The following NBPF11 variants were observed in gnomAD, a reference collection of about 807,000 sequenced individuals.
NBPF11 encodes NBPF family member NBPF11.
A neutral mutation model predicts 93.9 loss-of-function variants in NBPF11; 72 were observed. That is an observed-to-expected ratio of 0.77 (90% CI 0.63 to 0.93). The LOEUF (loss-of-function observed/expected upper bound fraction) is 0.93. Ranked by LOEUF, NBPF11 falls within the 40% of genes least tolerant of loss-of-function variation. NBPF11 has a pLI of 0.00. For synonymous variants in NBPF11, 224 were observed against 304.9 expected (o/e 0.73, Z 2.76); for missense variants, 705 against 802.2 (o/e 0.88, Z 1.46).
intron 21 of NBPF11, among the ~76,000 whole-genome samples, 180 bp from the exon 22 acceptor site, chr1:148,105,708 A>G (rs1410647581): frequency 1.3e-5 from 1 of 74,658 alleles, no homozygotes; most frequent in Non-Finnish European, 2.3e-5. Flanking sequence ...GAAAAGAATG[A>G]AAGAGAAAGA....
At chr1:148,146,893 G>A (rs1189156125) in intron 1 of NBPF11, 7 of 1,613,118 alleles carry the variant, frequency 4.3e-6, no homozygotes, top group African/African-American at 4.0e-5. Context: ...TGCCGACATC[G>A]ACGCCACCTG....
rs1485454976 is a variant in NBPF11, at chr1:148,121,509, A to T, written c.778+546T>A. On this transcript the variant is annotated intron_variant, in intron 9 of 23. Coordinates refer to ENST00000682118, the MANE Select transcript of NBPF11 (RefSeq NM_001385469.3). ...ACTACAGGCGCCCACCACCGCGCCC[A>T]GCTAATTTCTTTTTTTTTTGTATTT... Among the ~76,000 whole-genome samples the T allele has an allele frequency of 2.0e-5, 3 of 150,934 alleles. No homozygotes were observed. In the East Asian group the frequency reaches 5.8e-4, roughly 29 times the overall value.
chr1:148,151,606 C>A (rs1480618021), intron 1 of NBPF11, 144 bp downstream of exon 1: 1 of 152,182 alleles, frequency 6.6e-6, no homozygotes, highest in Non-Finnish European at 1.5e-5. Flanking sequence ...CCCGGCGGAG[C>A]CCTGCGGAGC....
intron 2 of NBPF11, among the ~76,000 whole-genome samples, chr1:148,140,635 C>G (rs1284723766): frequency 6.7e-6 from 1 of 150,254 alleles, no homozygotes; most frequent in Non-Finnish European, 1.5e-5. Flanking sequence ...ATACAGATGG[C>G]AAATAAGCAT....
At chr1:148,107,461 C>T (rs1663989366) in intron 19 of NBPF11, among the ~76,000 whole-genome samples, 1 of 151,678 alleles carries the variant, frequency 6.6e-6, no homozygotes, top group Admixed American at 6.6e-5. Context: ...TTTCCATAAA[C>T]TTGCTCAAGA....
At chr1:148,138,315 C>T (rs1480694568) in intron 2 of NBPF11, among the ~76,000 whole-genome samples, 42 of 151,290 alleles carry the variant, frequency 2.8e-4, no homozygotes, top group Admixed American at 2.8e-3. Context: ...GAGACAGATG[C>T]CTTCCTCTTA....
intron 1 of NBPF11, chr1:148,149,155 C>T (rs1647561246): frequency 8.2e-6 from 13 of 1,587,910 alleles, no homozygotes; most frequent in Non-Finnish European, 5.1e-6. Flanking sequence ...GCTCCGGCGC[C>T]GCCAGGTACG....
chr1:148,150,353 C>G (rs1647975949), intron 1 of NBPF11, among the ~76,000 whole-genome samples: 4 of 150,478 alleles, frequency 2.7e-5, no homozygotes, highest in Admixed American at 6.6e-5. Context: ...ATCCGCCCAC[C>G]TTGGCCTCCC....
chr1:148,138,264 G>C (rs1298117197), intron 2 of NBPF11, among the ~76,000 whole-genome samples: 3 of 150,376 alleles, frequency 2.0e-5, no homozygotes, highest in Admixed American at 1.3e-4. Context: ...ATATACAATC[G>C]GGCTTTACAC....
At chr1:148,122,962 G>C (rs373705107) in intron 7 of NBPF11, among the ~76,000 whole-genome samples, 161 bp from the exon 8 acceptor site, 37 of 137,036 alleles carry the variant, frequency 2.7e-4, no homozygotes, top group Admixed American at 6.9e-4. Flanking sequence ...TGGTTTCCTG[G>C]TCCATCAGGC....
At chr1:148,131,249 G>A (rs1670288166) in intron 4 of NBPF11, among the ~76,000 whole-genome samples, 3 of 150,622 alleles carry the variant, frequency 2.0e-5, no homozygotes, top group African/African-American at 7.4e-5. Flanking sequence ...GTTTTTCCTG[G>A]GCCTTAAAGC....
intron 4 of NBPF11, among the ~76,000 whole-genome samples, chr1:148,134,255 G>T (rs1354716593): frequency 1.3e-5 from 2 of 151,542 alleles, no homozygotes; most frequent in Admixed American, 6.6e-5. Context: ...GAGAATTGGG[G>T]CTGTGGAAGA....
At chr1:148,121,086 G>A (rs1475093483) in intron 9 of NBPF11, among the ~76,000 whole-genome samples, 85 of 151,646 alleles carry the variant, frequency 5.6e-4, no homozygotes, top group Middle Eastern at 3.4e-3. Context: ...ACTCTGTCGC[G>A]CAGGCTGCAG....
At position 148,107,102 on chromosome 1, in the gene NBPF11, C is replaced by T. The variant is rs1663847798; in HGVS notation, c.2091G>A (p.Glu697=). The T allele has an allele frequency of 1.7e-6, 1 of 597,248 alleles. No individual in the cohort carries two copies. Among genetic ancestry groups the T allele is most frequent in the Admixed American group, 2.9e-5 (1 of 34,610 alleles). 37.0% of individuals were successfully genotyped at this position (597,248 alleles called of 1,614,324 possible). A position where few individuals can be genotyped will look rare whatever the true frequency, so the allele number is the denominator to read the frequency against. The part of the protein sequence containing the change: ...QDPSCPRLSR[E]LLAEKEPEVL... ...CTTCAGGCTCTTTCTCAGCCAGCAG[C>T]TCCCTGCTGAGCCTGGAAAAGTAGG... is the stretch of plus-strand genomic sequence containing the variant. Residue 697 remains glutamate (E), a synonymous_variant, in exon 20 of 24, where the codon GAG becomes GAA. Transcript: ENST00000682118.
chr1:148,142,939 C>A (rs1672434517), intron 2 of NBPF11, among the ~76,000 whole-genome samples: 1 of 152,290 alleles, frequency 6.6e-6, no homozygotes, highest in Non-Finnish European at 1.5e-5. Context: ...CTGGACACAT[C>A]TAGAGGGCAC....
At position 148,115,892 on chromosome 1, in the gene NBPF11, T is replaced by C; in HGVS notation, c.1486A>G (p.Arg496Gly). 5 of 1,581,858 alleles carry C rather than the reference T, an allele frequency of 3.2e-6. 1 individual carries two copies. Among genetic ancestry groups the C allele is most frequent in the Non-Finnish European group, 4.3e-6 (5 of 1,162,180 alleles). The change falls in exon 14 of 24, where the codon AGA becomes GGA. Residue 496 changes from arginine (R) to glycine (G), a missense_variant. By Grantham distance (125) the Arg-to-Gly change is moderately radical (BLOSUM62 -2). Transcript: ENST00000682118. ...HGPYDSNQPH[R>G]KTKITFEEDK... ...TCCTCAAATGTGATTTTGGTTTTTC[T>C]ATGTGGCTGGTTGGAGTCATAAGGG...
At chr1:148,145,729 A>C (rs1672891079) in intron 1 of NBPF11, among the ~76,000 whole-genome samples, 1 of 151,210 alleles carries the variant, frequency 6.6e-6, no homozygotes, top group Non-Finnish European at 1.5e-5. Context: ...AAATACAAAA[A>C]ACAGCTGAGC....
chr1:148,116,286 C>T (rs1666520855), intron 13 of NBPF11, among the ~76,000 whole-genome samples, 177 bp downstream of exon 13: 2 of 152,034 alleles, frequency 1.3e-5, no homozygotes, highest in Admixed American at 1.3e-4. Flanking sequence ...TGACACTCGG[C>T]ACACATAGAG....
chr1:148,149,681 C>A, intron 1 of NBPF11: 1 of 780,974 alleles, frequency 1.3e-6, no homozygotes, highest in Non-Finnish European at 2.0e-6. Flanking sequence ...GGGGACCCCG[C>A]CCCGACCCAG....
Sources: gnomAD v4.1 joint callset for allele counts (sites outside exome capture counted in the v4.1 genomes callset) on GRCh38, gnomAD v4.1.1 for gene constraint, MANE v1.5 for transcripts, NCBI Gene and HGNC (gene_info 2026-07-23, HGNC 2026-07-21) for gene names.